The following IRAG1 variants were observed in gnomAD, a reference collection of about 807,000 sequenced individuals.
IRAG1 encodes the protein inositol 1,4,5-triphosphate receptor associated 1.
A neutral mutation model predicts 106.2 loss-of-function variants in IRAG1; 62 were observed. The ratio of observed to expected loss-of-function variants is 0.58; its 90% CI spans 0.48 to 0.72. The LOEUF is 0.72. Among genes scored for constraint, IRAG1 ranks in the 30% least tolerant of loss-of-function variants. The pLI is 0.00. For missense variants in IRAG1, 1,064 were observed against 1,140.7 expected (o/e 0.93, Z 0.97); for synonymous variants, 462 against 443.9 (o/e 1.04, Z -0.51).
At position 10,574,700 on chromosome 11, in the gene IRAG1, C is replaced by T. The variant is rs1850732785; in HGVS notation, c.*1632G>A. On this transcript the variant is annotated 3_prime_UTR_variant, in exon 21 of 21. Transcript: ENST00000423302. ...TGGAGGTCCAGCACTATGAGAGAAA[C>T]TGTTTAGTTGGGGAGCCAGAGATGG... The T allele has an allele frequency of 6.6e-6, 1 of 152,084 alleles. No individual in the cohort carries two copies. The highest frequency in any genetic ancestry group is 2.4e-5 in the African/African-American group (1 of 41,382). 9.4% of individuals were successfully genotyped at this position (152,084 alleles called of 1,614,324 possible). A position where few individuals can be genotyped will look rare whatever the true frequency, so the allele number is the denominator to read the frequency against.
intron 9 of IRAG1, among the ~76,000 whole-genome samples, chr11:10,624,420 G>T (rs564712115): frequency 1.3e-5 from 2 of 152,204 alleles, no homozygotes; most frequent in Non-Finnish European, 2.9e-5. Context: ...CCTGAGAATT[G>T]CTGGCTTAGG....
intron 14 of IRAG1, 136 bp from the exon 15 acceptor site, chr11:10,601,195 G>A (rs1270088162): frequency 4.0e-6 from 5 of 1,244,990 alleles, no homozygotes; most frequent in Non-Finnish European, 5.6e-6. Flanking sequence ...TGAAGAGTTT[G>A]CTGTCTGCCA....
intron 2 of IRAG1, among the ~76,000 whole-genome samples, chr11:10,644,133 T>C (rs564595933): frequency 2.0e-4 from 31 of 152,186 alleles, no homozygotes; most frequent in Non-Finnish European, 4.0e-4. Flanking sequence ...TCTGGTGTCC[T>C]AGCTAGGGCC....
At chr11:10,582,642 G>A (rs1031390950) in intron 18 of IRAG1, among the ~76,000 whole-genome samples, 1 of 152,206 alleles carries the variant, frequency 6.6e-6, no homozygotes, top group Non-Finnish European at 1.5e-5. Flanking sequence ...CCTGAAGGAT[G>A]AGAAGTCAGA....
chr11:10,635,282 C>A (rs1480238718), intron 2 of IRAG1, among the ~76,000 whole-genome samples: 1 of 152,198 alleles, frequency 6.6e-6, no homozygotes, highest in African/African-American at 2.4e-5. Flanking sequence ...CTCCTTCCCA[C>A]CCCCTTGACT....
intron 18 of IRAG1, among the ~76,000 whole-genome samples, chr11:10,582,631 G>T (rs1255771665): frequency 6.6e-6 from 1 of 152,220 alleles, no homozygotes; most frequent in Non-Finnish European, 1.5e-5. Context: ...TGAAGCACAG[G>T]CCTGAAGGAT....
chr11:10,672,183 T>C (rs556579091), intron 1 of IRAG1, among the ~76,000 whole-genome samples: 1 of 152,330 alleles, frequency 6.6e-6, no homozygotes, highest in African/African-American at 2.4e-5. Context: ...TCCTATACCA[T>C]ACACAAAAAT....
At chr11:10,667,137 TTTCGTTTTTTTG>T (rs1413566710) in intron 1 of IRAG1, among the ~76,000 whole-genome samples, 2 of 141,742 alleles carry the variant, frequency 1.4e-5, no homozygotes, top group African/African-American at 5.0e-5. Flanking sequence ...AAGTTTTTTT[TTTCGTTTTTTTG>T]TTTTTGTTTT....
chr11:10,577,538 TA>T (rs2134048578), intron 20 of IRAG1, among the ~76,000 whole-genome samples: 1 of 152,214 alleles, frequency 6.6e-6, no homozygotes, highest in African/African-American at 2.4e-5. Flanking sequence ...ATTTAAAAAA[TA>T]ATATGAAAAA....
In IRAG1 at chr11:10,632,062, C is replaced by T; in HGVS notation, c.330-1G>A. 6.2e-7 allele frequency: 1 copy of T among 1,612,642 alleles called. No individual in the cohort carries two copies. The highest frequency in any genetic ancestry group is 8.5e-7 in the Non-Finnish European group (1 of 1,178,732). ...AAGCCTCTTGTGGGGACTGTGAACT[C>T]TGAAAGACAGAACAGTCATCTTGTT... On this transcript the variant is annotated splice_acceptor_variant, in intron 3 of 20. Coordinates refer to ENST00000423302, the MANE Select transcript of IRAG1 (RefSeq NM_130385.4). LOFTEE classifies it high-confidence loss of function.
In IRAG1 at chr11:10,609,762, G is replaced by T. The variant is rs116772600; in HGVS notation, c.1537C>A (p.Arg513Ser). 1.0e-3 allele frequency: 1,665 copies of T among 1,613,816 alleles called. 11 individuals carry two copies. The African/African-American group carries it at 0.019, about 19-fold the overall frequency. Residue 513 changes from arginine to serine, a missense_variant, in exon 11 of 21, where the codon CGC (arginine) becomes AGC (serine). Arg to Ser is a moderately radical substitution (Grantham distance 110). Transcript: ENST00000423302. ...AGACTCCTGTGGACCCGCAGTTTGC[G>T]CAGCAGCACATCAGAAATATTAGGC... is the stretch of plus-strand genomic sequence containing the variant. ...VMPNISDVLL[R>S]KLRVHRSLPG...
chr11:10,588,459 C>G (rs1232878793), intron 18 of IRAG1, among the ~76,000 whole-genome samples: 1 of 152,174 alleles, frequency 6.6e-6, no homozygotes, highest in Non-Finnish European at 1.5e-5. Flanking sequence ...AAGCCATCCT[C>G]CCACCTCAGC....
chr11:10,665,969 A>C lies in IRAG1; in HGVS notation c.68-13787T>G, dbSNP rs1284861274. Among the ~76,000 whole-genome samples, 4 of 152,148 alleles carry C rather than the reference A, an allele frequency of 2.6e-5. No individual in the cohort carries two copies. ...GATATGCAATGGCAGGGGTGGGTGG[A>C]AGCCGGGAGGGTAGAGCCTGGGAAT... is the stretch of plus-strand genomic sequence containing the variant. On this transcript the variant is annotated intron_variant, in intron 1 of 20. Transcript: ENST00000423302. The surrounding 1 kb of genome is among the most constrained non-coding windows in gnomAD (Gnocchi z 4.2).
rs1002219768 is a variant in IRAG1, at chr11:10,665,426, C to T, written c.68-13244G>A. On this transcript the variant is annotated intron_variant, in intron 1 of 20. Coordinates refer to ENST00000423302, the MANE Select transcript of IRAG1 (RefSeq NM_130385.4). The surrounding 1 kb of genome is among the most constrained non-coding windows in gnomAD (Gnocchi z 4.2). ...GGAGTGACTCGGTTTGACCAACCTC[C>T]ATGTTCCTGCCTAGACGATAGACTG... 2.6e-5 allele frequency among the ~76,000 whole-genome samples: 4 copies of T among 152,334 alleles called. No individual in the cohort carries two copies. The East Asian group carries it at 5.8e-4, about 22-fold the overall frequency.
At chr11:10,643,171 C>G (rs549118981) in intron 2 of IRAG1, among the ~76,000 whole-genome samples, 1 of 39,858 alleles carries the variant, frequency 2.5e-5, no homozygotes, top group Non-Finnish European at 5.2e-5. Flanking sequence ...AGTGAGACTC[C>G]GTCTCAAAAA....
Position 10,644,847 on chromosome 11 carries a change from C to G in IRAG1, c.225+7178G>C, listed in dbSNP as rs144504576. Among the ~76,000 whole-genome samples the G allele has an allele frequency of 5.5e-3, 840 of 152,320 alleles. 9 individuals are homozygous for G. Among genetic ancestry groups the G allele is most frequent in the Non-Finnish European group, 9.6e-3 (653 of 68,032 alleles). ...TTCCCAAGGAGTTTCCAGGGAGGTACAGGCAGAACCTCTCTGTTGGCCAGT... is the reference window on the plus strand; with the variant it reads ...TTCCCAAGGAGTTTCCAGGGAGGTAGAGGCAGAACCTCTCTGTTGGCCAGT... On this transcript the variant is annotated intron_variant, in intron 2 of 20. Coordinates refer to ENST00000423302, the MANE Select transcript of IRAG1 (RefSeq NM_130385.4).
In IRAG1 at chr11:10,693,705, C is replaced by T; in HGVS notation, c.-103G>A. 1 of 1,344,664 alleles carries T rather than the reference C, an allele frequency of 7.4e-7. No individual in the cohort carries two copies. The highest frequency in any genetic ancestry group is 1.0e-6 in the Non-Finnish European group (1 of 984,198). 83.3% of individuals were successfully genotyped at this position (1,344,664 alleles called of 1,614,324 possible). A position where few individuals can be genotyped will look rare whatever the true frequency, so the allele number is the denominator to read the frequency against. On this transcript the variant is annotated 5_prime_UTR_variant, in exon 1 of 21. Coordinates refer to ENST00000423302, the MANE Select transcript of IRAG1 (RefSeq NM_130385.4). Reference sequence around the variant, plus strand: ...CTCTGAGAGGGGCTGGGACTTAGAGCCGAGAGCTCCTCTGGGAGCCCCACT... The same window carrying T: ...CTCTGAGAGGGGCTGGGACTTAGAGTCGAGAGCTCCTCTGGGAGCCCCACT...
At chr11:10,591,238 AT>A (rs1317790426) in intron 18 of IRAG1, among the ~76,000 whole-genome samples, 1 of 152,170 alleles carries the variant, frequency 6.6e-6, no homozygotes, top group Non-Finnish European at 1.5e-5. Context: ...TCTGGACTTA[AT>A]TAAGTCCCAT....
In IRAG1 at chr11:10,575,399, T is replaced by C. The variant is rs1850764974; in HGVS notation, c.*933A>G. The C allele has an allele frequency of 6.6e-6, 1 of 152,244 alleles. No individual in the cohort carries two copies. Among genetic ancestry groups the C allele is most frequent in the Non-Finnish European group, 1.5e-5 (1 of 68,028 alleles). 9.4% of individuals were successfully genotyped at this position (152,244 alleles called of 1,614,324 possible). ...TTTCAAAGAGAGAATAGGGAATAGA[T>C]TGTGCTGTACAGCAGCTCAGAGTTG... On this transcript the variant is annotated 3_prime_UTR_variant, in exon 21 of 21. Transcript: ENST00000423302.
Sources: gnomAD v4.1 joint callset for allele counts (sites outside exome capture counted in the v4.1 genomes callset) on GRCh38, gnomAD v4.1.1 for gene constraint, Gnocchi (gnomAD v3.1) non-coding constraint, MANE v1.5 for transcripts, NCBI Gene and HGNC (gene_info 2026-07-23, HGNC 2026-07-21) for gene names.